GRIP1: variants seen among roughly 807,000 people sequenced by gnomAD.
GRIP1 encodes glutamate receptor-interacting protein 1.
GRIP1 carries 45 observed loss-of-function variants against 129.9 expected under a neutral mutation model. The observed-to-expected ratio is 0.35, with a 90% CI of 0.27 to 0.44. GRIP1 has a LOEUF of 0.44. Among genes scored for constraint, GRIP1 ranks in the 20% least tolerant of loss-of-function variants. The pLI, the probability that GRIP1 is intolerant of heterozygous loss-of-function variation, is 1.00. For missense variants in GRIP1, 1,196 were observed against 1,396.8 expected, an observed-to-expected ratio of 0.86 and a Z score of 2.29; for synonymous variants, 530 against 520.8, an observed-to-expected ratio of 1.02 and a Z score of -0.24.
chr12:66,751,990 A>G (rs1332215597), intron 1 of GRIP1, among the ~76,000 whole-genome samples: 1 of 152,180 alleles, frequency 6.6e-6, no homozygotes, highest in East Asian at 1.9e-4. Context: ...AGCATGCCAC[A>G]AATCCAAGGG....
intron 1 of GRIP1, among the ~76,000 whole-genome samples, chr12:66,822,877 C>T (rs1405056003): frequency 6.6e-6 from 1 of 152,134 alleles, no homozygotes; most frequent in Non-Finnish European, 1.5e-5. Context: ...CTGTTGGGTA[C>T]TATCCTCATA....
chr12:66,961,379 A>C (rs2041918861), intron 1 of GRIP1, among the ~76,000 whole-genome samples: 2 of 152,204 alleles, frequency 1.3e-5, no homozygotes, highest in South Asian at 4.1e-4. Flanking sequence ...CACTTTACAT[A>C]GAAAAAAGCA....
Position 66,896,813 on chromosome 12 carries a change from A to T in GRIP1, c.58+172237T>A, listed in dbSNP as rs548621483. On this transcript the variant is annotated intron_variant, in intron 1 of 1. Transcript: ENST00000643019. ...TCTGTATTCGAAGTTAAGTGTCACGAAACAAGAATTAAGAAGATAGCTTGG... is the reference window on the plus strand; with the variant it reads ...TCTGTATTCGAAGTTAAGTGTCACGTAACAAGAATTAAGAAGATAGCTTGG... Among the ~76,000 whole-genome samples, 184 of 152,386 alleles carry T rather than the reference A, an allele frequency of 1.2e-3. 1 individual carries two copies. The highest frequency in any genetic ancestry group is 4.3e-3 in the African/African-American group (179 of 41,590).
intron 1 of GRIP1, among the ~76,000 whole-genome samples, chr12:66,973,565 T>A (rs976665665): frequency 6.6e-6 from 1 of 152,126 alleles, no homozygotes; most frequent in South Asian, 2.1e-4. Context: ...TCAAAAAATC[T>A]GACCTCTATT....
At chr12:66,612,327 A>C (rs1173492098) in intron 1 of GRIP1, among the ~76,000 whole-genome samples, 2 of 152,166 alleles carry the variant, frequency 1.3e-5, no homozygotes, top group Non-Finnish European at 2.9e-5. Flanking sequence ...GTGACTGTGC[A>C]GAATACTGTA....
At chr12:66,538,618 T>C (rs925108039) in intron 4 of GRIP1, among the ~76,000 whole-genome samples, 1 of 152,244 alleles carries the variant, frequency 6.6e-6, no homozygotes, top group Middle Eastern at 3.4e-3. Context: ...TGTTTGTTTT[T>C]TTGAGACAGG....
chr12:67,007,334 T>C (rs2042641218), intron 1 of GRIP1, among the ~76,000 whole-genome samples: 1 of 152,160 alleles, frequency 6.6e-6, no homozygotes, highest in Non-Finnish European at 1.5e-5. Flanking sequence ...GATAAAGGAC[T>C]CTAACTCAGC....
At chr12:66,472,828 T>A (rs192749845) in intron 7 of GRIP1, among the ~76,000 whole-genome samples, 93 of 152,320 alleles carry the variant, frequency 6.1e-4, no homozygotes, top group African/African-American at 2.2e-3. Context: ...CTTCATAACC[T>A]GCAGACAAGG....
chr12:66,437,791 C>T (rs919743879), intron 13 of GRIP1, among the ~76,000 whole-genome samples: 10 of 152,116 alleles, frequency 6.6e-5, no homozygotes, highest in Non-Finnish European at 1.3e-4. Flanking sequence ...CAACAAATCA[C>T]CTCCCTGCAA....
At chr12:66,657,732 A>AT (rs1255395000) in intron 1 of GRIP1, among the ~76,000 whole-genome samples, 1 of 152,156 alleles carries the variant, frequency 6.6e-6, no homozygotes, top group Non-Finnish European at 1.5e-5. Context: ...TTTCCACTGC[A>AT]TTTTAAAGCT....
At chr12:66,395,266 C>A (rs2056746401) in intron 16 of GRIP1, among the ~76,000 whole-genome samples, 2 of 152,178 alleles carry the variant, frequency 1.3e-5, no homozygotes, top group Admixed American at 1.3e-4. Flanking sequence ...AGTTCTTGGG[C>A]ACTTCTTGTT....
At chr12:66,695,273 G>GTT (rs79419418) in intron 1 of GRIP1, among the ~76,000 whole-genome samples, 3 of 145,982 alleles carry the variant, frequency 2.1e-5, no homozygotes, top group Admixed American at 6.9e-5. Context: ...AATCTAACCT[G>GTT]TTTTTTTTTT....
intron 1 of GRIP1, among the ~76,000 whole-genome samples, chr12:66,877,304 T>A (rs1285011235): frequency 3.3e-5 from 5 of 152,120 alleles, no homozygotes; most frequent in Non-Finnish European, 7.4e-5. Flanking sequence ...TTTATATATC[T>A]TTTGTATTTC....
At chr12:66,995,970 A>G (rs1169736394) in intron 1 of GRIP1, among the ~76,000 whole-genome samples, 2 of 152,200 alleles carry the variant, frequency 1.3e-5, no homozygotes, top group Non-Finnish European at 1.5e-5. Context: ...AAAATGTGGT[A>G]TATACATACG....
At chr12:66,426,246 C>T (rs1199762122) in intron 14 of GRIP1, among the ~76,000 whole-genome samples, 7 of 152,078 alleles carry the variant, frequency 4.6e-5, no homozygotes, top group Admixed American at 6.6e-5. Context: ...TTTCTTTCCT[C>T]TTTCTTTCTG....
At chr12:66,459,069 A>C (rs918037680) in intron 9 of GRIP1, among the ~76,000 whole-genome samples, 8 of 152,302 alleles carry the variant, frequency 5.3e-5, no homozygotes, top group African/African-American at 1.9e-4. Flanking sequence ...TCTGTACTAG[A>C]ATGTGAATTC....
chr12:66,829,174 C>A (rs1238115497), intron 1 of GRIP1, among the ~76,000 whole-genome samples: 2 of 152,060 alleles, frequency 1.3e-5, no homozygotes, highest in African/African-American at 4.8e-5. Context: ...CAGGTAGACC[C>A]TAAATGCAAT....
intron 1 of GRIP1, among the ~76,000 whole-genome samples, chr12:66,731,315 G>T (rs1193224784): frequency 6.6e-6 from 1 of 152,148 alleles, no homozygotes; most frequent in Non-Finnish European, 1.5e-5. Flanking sequence ...AACACATTGG[G>T]CTGAGAAGAG....
chr12:66,807,682 C>G (rs2039021520), upstream of GRIP1, among the ~76,000 whole-genome samples: 1 of 151,794 alleles, frequency 6.6e-6, no homozygotes, highest in African/African-American at 2.4e-5. Flanking sequence ...GCACCTTCCC[C>G]CTCTCTCTCT....
Sources: gnomAD v4.1 joint callset for allele counts (sites outside exome capture counted in the v4.1 genomes callset) on GRCh38, gnomAD v4.1.1 for gene constraint, MANE v1.5 for transcripts, NCBI Gene and HGNC (gene_info 2026-07-23, HGNC 2026-07-21) for gene names.